The following VWF variants were observed in gnomAD, a reference collection of about 807,000 sequenced individuals.
VWF encodes von Willebrand factor.
A neutral mutation model predicts 308.6 loss-of-function variants in VWF; 176 were observed. The ratio of observed to expected loss-of-function variants is 0.57; its 90% CI spans 0.50 to 0.65. The LOEUF (loss-of-function observed/expected upper bound fraction) is 0.65, where lower values mean the gene tolerates loss of function less well. VWF is among the 30% of genes least tolerant of loss of function. The probability of loss-of-function intolerance (pLI) is 0.00; values close to 1 mark genes in which losing one functional copy is unlikely to be tolerated. For missense variants in VWF, 3,146 were observed against 3,648.2 expected (o/e 0.86, Z 3.55); for synonymous variants, 1,385 against 1,443.4 (o/e 0.96, Z 0.92).
At chr12:6,103,508 ATATATACACACATATG>A (rs1565391264) in intron 5 of VWF, among the ~76,000 whole-genome samples, 4 of 122,098 alleles carry the variant, frequency 3.3e-5, no homozygotes, top group South Asian at 2.3e-4. Flanking sequence ...ACACACGTAT[ATATATACACACATATG>A]TGTATATACA....
intron 40 of VWF, among the ~76,000 whole-genome samples, chr12:5,984,480 A>G (rs1943655470): frequency 6.6e-6 from 1 of 152,252 alleles, no homozygotes; most frequent in African/African-American, 2.4e-5. Flanking sequence ...CAAATTGTAC[A>G]AGCCTGTGCT....
intron 29 of VWF, 45 bp from the exon 30 acceptor site, chr12:6,016,701 C>T: frequency 6.2e-7 from 1 of 1,614,230 alleles, no homozygotes; most frequent in Non-Finnish European, 8.5e-7. Context: ...TCAAGTAGAG[C>T]CACAAAAAGA....
intron 47 of VWF, among the ~76,000 whole-genome samples, chr12:5,961,380 T>C (rs1266707152): frequency 6.6e-6 from 1 of 152,184 alleles, no homozygotes; most frequent in African/African-American, 2.4e-5. Flanking sequence ...CACACAACTA[T>C]ATCATACTTA....
rs751767496 is a variant in VWF at position 6,019,295 on chromosome 12, G to A, written c.4123C>T (p.Pro1375Ser). ...LFQIFSKIDRPEASRITLLLM... is the reference protein window; with the variant it reads ...LFQIFSKIDRSEASRITLLLM... ...AGCAGGGTGATGCGGGAGGCTTCAG[G>A]GCGGTCGATCTTGCTGAAGATTTGG... The change falls in exon 28 of 52, where the codon CCT becomes TCT. Residue 1375 changes from proline (P) to serine (S), a missense_variant. Coordinates refer to ENST00000261405, the MANE Select transcript of VWF (RefSeq NM_000552.5). This position sits in a 1 kb window ranked among gnomAD's most constrained non-coding sequence, Gnocchi z 5.8. 47 of 1,613,782 alleles carry A rather than the reference G, an allele frequency of 2.9e-5. 2 individuals are homozygous for A. In the Admixed American group the frequency reaches 7.7e-4, roughly 26 times the overall value.
In VWF at chr12:6,052,750, T is replaced by A; in HGVS notation, c.1979A>T (p.Gln660Leu). ...GGTCAGGTTGCAGGGGGTCCCGCAC[T>A]GCAGGTACACCTGGCCTTTCGGGCA... ...LNCPKGQVYL[Q>L]CGTPCNLTCR... The change falls in exon 16 of 52, where the codon CAG (glutamine) becomes CTG (leucine). Residue 660 changes from glutamine to leucine, a missense_variant. Gln to Leu is a moderately radical substitution (Grantham distance 113, BLOSUM62 -2). Around this residue, in one of 3 missense-constraint regions of VWF, gnomAD observed 1,304 missense variants for 1,353.0 expected, o/e 0.96. Coordinates refer to ENST00000261405, the MANE Select transcript of VWF (RefSeq NM_000552.5). 1 of 1,613,900 alleles carries A rather than the reference T, an allele frequency of 6.2e-7. No homozygotes were observed. Among genetic ancestry groups the A allele is most frequent in the African/African-American group, 1.3e-5 (1 of 75,004 alleles).
intron 22 of VWF, among the ~76,000 whole-genome samples, chr12:6,029,034 T>C (rs216317): frequency 0.25 from 38,193 of 150,110 alleles, 5,128 homozygotes; most frequent in African/African-American, 0.31. Flanking sequence ...TGCAGAGACA[T>C]ACATAGGCTC....
chr12:6,071,244 G>A, intron 10 of VWF, 53 bp downstream of exon 10: 1 of 1,600,688 alleles, frequency 6.2e-7, no homozygotes, highest in Non-Finnish European at 8.6e-7. Context: ...GAGAGGAGGA[G>A]ACGCCTCCCC....
At chr12:6,012,579 T>C (rs1323967154) in intron 32 of VWF, among the ~76,000 whole-genome samples, 1 of 152,222 alleles carries the variant, frequency 6.6e-6, no homozygotes, top group East Asian at 1.9e-4. Context: ...AAGGGCAAAC[T>C]TGCATTGACT....
Position 5,948,901 on chromosome 12 carries a change from T to G in VWF, c.*114A>C. On this transcript the variant is annotated 3_prime_UTR_variant, in exon 52 of 52. Transcript: ENST00000261405. The surrounding 1 kb of genome is among the most constrained non-coding windows in gnomAD (Gnocchi z 4.4). The stretch of plus-strand genomic sequence containing the variant: ...CTTTTGCAAGATAAGAGCTCAGCCT[T>G]TATTGTGGGCTCAGAAGGGCACAAG... 1 of 1,264,010 alleles carries G rather than the reference T, an allele frequency of 7.9e-7. No individual in the cohort carries two copies. The highest frequency in any genetic ancestry group is 1.1e-6 in the Non-Finnish European group (1 of 890,640). The allele number at this position is 1,264,010 out of a possible 1,614,324, so 78.3% of individuals were successfully genotyped here.
At chr12:5,967,628 G>T in intron 46 of VWF, 26 bp from the exon 47 acceptor site, 1 of 1,603,658 alleles carries the variant, frequency 6.2e-7, no homozygotes, top group Non-Finnish European at 8.5e-7. Context: ...CCAGGGTCAG[G>T]CCCCCCAGCA....
intron 18 of VWF, among the ~76,000 whole-genome samples, chr12:6,037,592 C>G (rs1740609613): frequency 6.6e-6 from 1 of 152,226 alleles, no homozygotes; most frequent in Admixed American, 6.5e-5. Context: ...GCTCAACATG[C>G]AGACACGCTT....
chr12:6,047,106 C>T (rs1944453695), intron 16 of VWF, among the ~76,000 whole-genome samples: 1 of 152,220 alleles, frequency 6.6e-6, no homozygotes, highest in African/African-American at 2.4e-5. Flanking sequence ...TTTCCTCCCA[C>T]TTCCTTGGTT....
intron 16 of VWF, among the ~76,000 whole-genome samples, chr12:6,048,864 C>A (rs1279192697): frequency 1.3e-5 from 2 of 152,222 alleles, no homozygotes; most frequent in African/African-American, 4.8e-5. Flanking sequence ...ACGTGCAGAA[C>A]CCGTGCCTTC....
At chr12:5,979,142 A>T (rs1423738847) in intron 42 of VWF, among the ~76,000 whole-genome samples, 1 of 152,254 alleles carries the variant, frequency 6.6e-6, no homozygotes, top group Non-Finnish European at 1.5e-5. Context: ...CAGTTGCTAG[A>T]GCATCAACTC....
intron 16 of VWF, among the ~76,000 whole-genome samples, chr12:6,049,565 A>AACCG (rs1377457008): frequency 9.8e-5 from 15 of 152,302 alleles, no homozygotes; most frequent in African/African-American, 3.1e-4. Flanking sequence ...CCCCAAATTC[A>AACCG]ACCGTCTATT....
At chr12:6,116,142 C>T (rs1945363962) in intron 3 of VWF, among the ~76,000 whole-genome samples, 1 of 152,096 alleles carries the variant, frequency 6.6e-6, no homozygotes. Context: ...CAGGAGAGAC[C>T]CCTGCACTCC....
intron 21 of VWF, among the ~76,000 whole-genome samples, chr12:6,029,920 T>G (rs1051625551): frequency 1.3e-5 from 2 of 152,174 alleles, no homozygotes; most frequent in Non-Finnish European, 2.9e-5. Flanking sequence ...TCACCTTTCT[T>G]GTATCCCACC....
At chr12:6,048,731 G>C (rs1391263225) in intron 16 of VWF, among the ~76,000 whole-genome samples, 1 of 152,234 alleles carries the variant, frequency 6.6e-6, no homozygotes, top group Non-Finnish European at 1.5e-5. Flanking sequence ...CCAAAGTGCT[G>C]GGATTACAGG....
At chr12:6,052,952 C>A (rs193065006) in intron 15 of VWF, among the ~76,000 whole-genome samples, 169 bp from the exon 16 acceptor site, 191 of 152,268 alleles carry the variant, frequency 1.3e-3, no homozygotes, top group African/African-American at 3.8e-3. Context: ...CAGAAAGATC[C>A]CATGTACCCT....
Sources: gnomAD v4.1 joint callset for allele counts (sites outside exome capture counted in the v4.1 genomes callset) on GRCh38, gnomAD v4.1.1 for gene constraint, gnomAD v4.1.1 regional missense constraint, Gnocchi (gnomAD v3.1) non-coding constraint, MANE v1.5 for transcripts, NCBI Gene and HGNC (gene_info 2026-07-23, HGNC 2026-07-21) for gene names.